Variants in CUL9 observed in about 807,000 individuals in gnomAD.
CUL9 encodes the protein cullin-9.
CUL9 carries 79 observed loss-of-function variants against 272.6 expected under a neutral mutation model. The ratio of observed to expected loss-of-function variants is 0.29; its 90% confidence interval spans 0.24 to 0.35. The LOEUF (loss-of-function observed/expected upper bound fraction) is 0.35. CUL9 is among the 10% of genes least tolerant of loss of function. CUL9 has a pLI of 1.00. For synonymous variants in CUL9, 1,186 were observed against 1,286.5 expected, an observed-to-expected ratio of 0.92 and a Z score of 1.67; for missense variants, 2,532 against 3,255.6, an observed-to-expected ratio of 0.78 and a Z score of 5.41.
rs1462848874 is a variant in CUL9, at chr6:43,206,869, G to A, written c.5212+359G>A. On this transcript the variant is annotated intron_variant, in intron 26 of 40. Transcript: ENST00000252050. The surrounding 1 kb of genome is among the most constrained non-coding windows in gnomAD (Gnocchi z 4.8). ...TTTTTTTCTTTATTTTTTTGACATG[G>A]AGTCTCACTCTGTCACCCAGACCAG... Among the ~76,000 whole-genome samples the A allele has an allele frequency of 6.6e-6, 1 of 151,734 alleles. No individual in the cohort carries two copies. The highest frequency in any genetic ancestry group is 1.5e-5 in the Non-Finnish European group (1 of 67,952).
chr6:43,209,692 C>T (rs981499943), intron 26 of CUL9, among the ~76,000 whole-genome samples: 5 of 152,122 alleles, frequency 3.3e-5, no homozygotes, highest in Non-Finnish European at 5.9e-5. Flanking sequence ...GTCGCCCAGA[C>T]TGGAGTGCAG....
At position 43,203,790 on chromosome 6, in the gene CUL9, C is replaced by T; in HGVS notation, c.4026-64C>T. 3 of 1,552,430 alleles carry T rather than the reference C, an allele frequency of 1.9e-6. No individual in the cohort carries two copies. The highest frequency in any genetic ancestry group is 2.6e-6 in the Non-Finnish European group (3 of 1,145,924). On this transcript the variant is annotated intron_variant, in intron 19 of 40. Transcript: ENST00000252050. The surrounding 1 kb of genome is among the most constrained non-coding windows in gnomAD (Gnocchi z 5.0). ...AGGGGTGATTGGGAGCTGATCTGCA[C>T]TTGAATGGAGGCCTCTGGGAAATCG... is the stretch of plus-strand genomic sequence containing the variant.
rs1582436715 is a variant in CUL9, at chr6:43,221,078, C to T, written c.6589-80C>T. 5 of 1,531,656 alleles carry T rather than the reference C, an allele frequency of 3.3e-6. No individual in the cohort carries two copies. The East Asian group carries it at 1.2e-4, about 36-fold the overall frequency. The allele number at this position is 1,531,656 out of a possible 1,614,324, so 94.9% of individuals were successfully genotyped here. ...GGAGCCCTCCAAATGTGATCTGTGC[C>T]TGCTCCCCTCTCTCCTGTGCACACC... On this transcript the variant is annotated intron_variant, in intron 33 of 40. Coordinates refer to ENST00000252050, the MANE Select transcript of CUL9 (RefSeq NM_015089.4). This position sits in a 1 kb window ranked among gnomAD's most constrained non-coding sequence, Gnocchi z 4.2.
rs1478624979 is a variant in CUL9, at chr6:43,218,302, C to T, written c.6282+1799C>T. On this transcript the variant is annotated intron_variant, in intron 31 of 40. Transcript: ENST00000252050. This position sits in a 1 kb window ranked among gnomAD's most constrained non-coding sequence, Gnocchi z 4.4. ...CGCGATCTCGGCTCATTGCAACCTCCATCTCCCGGGTTCAAGCGATTCTTC... is the reference window on the plus strand; with the variant it reads ...CGCGATCTCGGCTCATTGCAACCTCTATCTCCCGGGTTCAAGCGATTCTTC... Among the ~76,000 whole-genome samples the T allele has an allele frequency of 1.3e-5, 2 of 152,102 alleles. No homozygotes were observed. Among genetic ancestry groups the T allele is most frequent in the Non-Finnish European group, 2.9e-5 (2 of 68,020 alleles).
chr6:43,206,322 A>G lies in CUL9; in HGVS notation c.5024A>G (p.Glu1675Gly), dbSNP rs1414119691. ...EEEKRLEEEE[E>G]EEEEEEAEKE... is the part of the protein sequence containing the mutation. ...CCTTGAAATCCTTCTGTCCCTCAGGAGGAAGAGGAGGAAGAGGAAGCTGAG... is the reference window on the plus strand; with the variant it reads ...CCTTGAAATCCTTCTGTCCCTCAGGGGGAAGAGGAGGAAGAGGAAGCTGAG... Residue 1675 changes from glutamate to glycine, a missense_variant and splice_region_variant, in exon 26 of 41, where the codon GAG becomes GGG. By Grantham distance (98) the Glu-to-Gly change is moderately conservative (BLOSUM62 -2). Around this residue, in one of 3 missense-constraint regions of CUL9, gnomAD observed 2,218 missense variants for 2,788.6 expected, o/e 0.80. Transcript: ENST00000252050. This position sits in a 1 kb window ranked among gnomAD's most constrained non-coding sequence, Gnocchi z 4.8. 1.2e-6 allele frequency: 2 copies of G among 1,601,412 alleles called. No individual in the cohort carries two copies. Among genetic ancestry groups the G allele is most frequent in the African/African-American group, 1.3e-5 (1 of 74,808 alleles).
chr6:43,211,591 G>C (rs1039911705), intron 26 of CUL9, among the ~76,000 whole-genome samples: 1 of 152,086 alleles, frequency 6.6e-6, no homozygotes, highest in African/African-American at 2.4e-5. Context: ...CTTCATTGAG[G>C]AGTTTGGTGG....
Position 43,220,601 on chromosome 6 carries a change from T to TC in CUL9, c.6423+2_6423+3insC, listed in dbSNP as rs769326625. ...TCCTCGCCAGAGGTCATCTCCAAGG[T>TC]ATCCCCTCTCGTCTGAGAGAGGCTC... On this transcript the variant is annotated splice_region_variant and intron_variant, in intron 32 of 40. Coordinates refer to ENST00000252050, the MANE Select transcript of CUL9 (RefSeq NM_015089.4). The surrounding 1 kb of genome is among the most constrained non-coding windows in gnomAD (Gnocchi z 4.9). 83 of 1,613,988 alleles carry TC rather than the reference T, an allele frequency of 5.1e-5. 1 individual carries two copies. In the South Asian group the frequency reaches 9.1e-4, roughly 18 times the overall value.
At chr6:43,186,561 C>G (rs1005863278) in intron 4 of CUL9, 106 bp downstream of exon 4, 9 of 1,447,704 alleles carry the variant, frequency 6.2e-6, no homozygotes, top group South Asian at 4.1e-5. Context: ...AAGAACCCCC[C>G]TGGGGAATTG....
At chr6:43,183,386 A>C (rs1772596002) in intron 1 of CUL9, among the ~76,000 whole-genome samples, 2 of 152,098 alleles carry the variant, frequency 1.3e-5, no homozygotes, top group African/African-American at 4.8e-5. Context: ...ATTTGCCCCA[A>C]CATCCCAGCC....
chr6:43,184,878 C>T lies in CUL9; in HGVS notation c.568C>T (p.Leu190=), dbSNP rs1453472881. 6.3e-7 allele frequency: 1 copy of T among 1,597,914 alleles called. No individual in the cohort carries two copies. Among genetic ancestry groups the T allele is most frequent in the South Asian group, 1.1e-5 (1 of 91,000 alleles). Residue 190 remains leucine (L), a synonymous_variant, in exon 2 of 41, where the codon CTG becomes TTG. Transcript: ENST00000252050. The surrounding 1 kb of genome is among the most constrained non-coding windows in gnomAD (Gnocchi z 4.8). ...PQIRRSAGKM[L]QALAAHDAGS... ...GATCCGCCGGAGTGCAGGCAAAATG[C>T]TGCAGGCTCTGGCAGCCCACGATGC...
chr6:43,199,082 A>G lies in CUL9; in HGVS notation c.3051-184A>G, dbSNP rs984468269. Among the ~76,000 whole-genome samples, 4 of 151,990 alleles carry G rather than the reference A, an allele frequency of 2.6e-5. No individual in the cohort carries two copies. The highest frequency in any genetic ancestry group is 7.3e-5 in the African/African-American group (3 of 41,376). On this transcript the variant is annotated intron_variant, in intron 12 of 40. Transcript: ENST00000252050. This position sits in a 1 kb window ranked among gnomAD's most constrained non-coding sequence, Gnocchi z 4.4. The stretch of plus-strand genomic sequence containing the variant: ...CTCCCGAGTAGCTGGGATTGCAGGC[A>G]TGTGCCACCATGCCCAGCTAATTTT...
In CUL9 at chr6:43,192,706, A is replaced by G. The variant is rs189722586; in HGVS notation, c.2181-295A>G. Among the ~76,000 whole-genome samples, 585 of 152,338 alleles carry G rather than the reference A, an allele frequency of 3.8e-3. 7 individuals are homozygous for G. The highest frequency in any genetic ancestry group is 3.0e-3 in the Non-Finnish European group (202 of 68,032). On this transcript the variant is annotated intron_variant, in intron 8 of 40. Coordinates refer to ENST00000252050, the MANE Select transcript of CUL9 (RefSeq NM_015089.4). ...GAAAAGACAAACAAAACCACCTTTT[A>G]GGCATTTTGATTAGTATCACTTTGA... is the stretch of plus-strand genomic sequence containing the variant.
chr6:43,186,098 G>A lies in CUL9; in HGVS notation c.894G>A (p.Arg298=), dbSNP rs141303988. The A allele has an allele frequency of 5.5e-4, 884 of 1,614,258 alleles. 13 individuals carry two copies. In the East Asian group the frequency reaches 0.018, roughly 33 times the overall value. ...CATREKSRGQ[R]ELEFSMAVGN... ...CAAGAGAGAAAAGCCGGGGACAGCG[G>A]GAACTGGAGTTCAGCATGGCTGTGG... The change falls in exon 4 of 41, where the codon CGG becomes CGA. Residue 298 remains arginine (R), a synonymous_variant. Transcript: ENST00000252050.
chr6:43,214,130 T>C (rs1775743640), intron 29 of CUL9, among the ~76,000 whole-genome samples: 1 of 152,226 alleles, frequency 6.6e-6, no homozygotes, highest in African/African-American at 2.4e-5. Context: ...GATTAAGTCA[T>C]TTAATCCAGC....
chr6:43,223,179 G>A lies in CUL9; in HGVS notation c.7151-85G>A, dbSNP rs1582445998. ...ATGTCTAGAGCTGCACCTGGTGCTTGGTAGACGTTCCATAGGTGTTTGTTG... is the reference window on the plus strand; with the variant it reads ...ATGTCTAGAGCTGCACCTGGTGCTTAGTAGACGTTCCATAGGTGTTTGTTG... On this transcript the variant is annotated intron_variant, in intron 38 of 40. Transcript: ENST00000252050. This position sits in a 1 kb window ranked among gnomAD's most constrained non-coding sequence, Gnocchi z 4.1. The A allele has an allele frequency of 6.8e-7, 1 of 1,481,246 alleles. No homozygotes were observed. Among genetic ancestry groups the A allele is most frequent in the African/African-American group, 1.4e-5 (1 of 71,962 alleles). The allele number at this position is 1,481,246 out of a possible 1,614,324, so 91.8% of individuals were successfully genotyped here.
At chr6:43,215,741 T>C (rs1243048494) in intron 30 of CUL9, among the ~76,000 whole-genome samples, 4 of 152,220 alleles carry the variant, frequency 2.6e-5, no homozygotes, top group Non-Finnish European at 4.4e-5. Context: ...AACCTCAACA[T>C]GGCGCCAGTG....
At position 43,191,481 on chromosome 6, in the gene CUL9, A is replaced by ATTTTTTTTTTTTTTTTTT. The variant is rs34090146; in HGVS notation, c.2181-1513_2181-1496dup. 2.3e-4 allele frequency among the ~76,000 whole-genome samples: 22 copies of ATTTTTTTTTTTTTTTTTT among 97,448 alleles called. 1 individual carries two copies. The highest frequency in any genetic ancestry group is 1.0e-3 in the African/African-American group (20 of 19,746). The allele number at this position is 97,448 out of a possible 152,430, so 63.9% of individuals were successfully genotyped here. The stretch of plus-strand genomic sequence containing the variant: ...AGGAATGAGCCACCACACCCAGCTA[A>ATTTTTTTTTTTTTTTTTT]TTTTTTTTTTTTTTTTTTTTTTTTA... On this transcript the variant is annotated intron_variant, in intron 8 of 40. Transcript: ENST00000252050.
chr6:43,186,841 T>G, intron 4 of CUL9, 119 bp from the exon 5 acceptor site: 1 of 1,265,764 alleles, frequency 7.9e-7, no homozygotes. Context: ...TAGCCAGGTG[T>G]GTATCTGAGG....
In CUL9 at chr6:43,203,518, C is replaced by T; in HGVS notation, c.3951C>T (p.Phe1317=). ...REQLCRRTCL[F]YTIRAQAWSR... ...AGCTGTGTCGCCGAACATGTCTCTT[C>T]TACACAATTCGGGCACAAGCCTGGA... Residue 1317 remains phenylalanine (F), a synonymous_variant, in exon 19 of 41, where the codon TTC becomes TTT. Transcript: ENST00000252050. The surrounding 1 kb of genome is among the most constrained non-coding windows in gnomAD (Gnocchi z 5.0). The T allele has an allele frequency of 6.2e-7, 1 of 1,614,182 alleles. No homozygotes were observed.
Sources: allele counts gnomAD v4.1 joint callset (sites outside exome capture counted in the v4.1 genomes callset), GRCh38; gene constraint gnomAD v4.1.1; regional missense constraint gnomAD v4.1.1; non-coding constraint Gnocchi (gnomAD v3.1); transcripts MANE v1.5; gene names NCBI Gene and HGNC (gene_info 2026-07-23, HGNC 2026-07-21).